The following SFMBT2 variants were observed in gnomAD, a reference collection of about 807,000 sequenced individuals.
SFMBT2 encodes the protein scm-like with four MBT domains protein 2.
SFMBT2 carries 38 observed loss-of-function variants against 110.1 expected under a neutral mutation model. The observed-to-expected ratio is 0.35, with a 90% CI of 0.27 to 0.45. The LOEUF (loss-of-function observed/expected upper bound fraction) is 0.45, where lower values mean the gene tolerates loss of function less well. Among genes scored for constraint, SFMBT2 ranks in the 20% least tolerant of loss-of-function variants. The pLI is 1.00. For missense variants in SFMBT2, 1,011 were observed against 1,094.9 expected, an observed-to-expected ratio of 0.92 and a Z score of 1.08; for synonymous variants, 425 against 425.4, an observed-to-expected ratio of 1.00 and a Z score of 0.01.
At chr10:7,228,713 TTCTTTCTTTCTTTCTTTCTTTCCTTTCTC>T (rs1564395141) in intron 9 of SFMBT2, among the ~76,000 whole-genome samples, 10 of 132,138 alleles carry the variant, frequency 7.6e-5, no homozygotes, top group African/African-American at 1.5e-4. Context: ...CTTTCTTTCT[TTCTTTCTTTCTTTCTTTCTTTCCTTTCTC>T]TCTCTCTCTC....
chr10:7,403,546 G>C lies in SFMBT2; in HGVS notation c.-52+7315C>G, dbSNP rs564888641. Among the ~76,000 whole-genome samples, 14 of 152,280 alleles carry C rather than the reference G, an allele frequency of 9.2e-5. No individual in the cohort carries two copies. The East Asian group carries it at 2.7e-3, about 29-fold the overall frequency. Reference sequence around the variant, plus strand: ...AGTTCCAGCTACTTGGGAGGCTGAGGGGGGAGAATTGCTTGAACCCAGGAG... The same window carrying C: ...AGTTCCAGCTACTTGGGAGGCTGAGCGGGGAGAATTGCTTGAACCCAGGAG... On this transcript the variant is annotated intron_variant, in intron 1 of 20. Transcript: ENST00000397167.
intron 7 of SFMBT2, among the ~76,000 whole-genome samples, chr10:7,271,761 A>G (rs1338951126): frequency 1.3e-5 from 2 of 152,314 alleles, no homozygotes; most frequent in South Asian, 2.1e-4. Context: ...AGGTCTCACA[A>G]TCATAGTGGA....
At chr10:7,309,196 C>T (rs1345635647) in intron 4 of SFMBT2, among the ~76,000 whole-genome samples, 1 of 152,204 alleles carries the variant, frequency 6.6e-6, no homozygotes. Context: ...GAACAAAGGG[C>T]TAACCTTATT....
chr10:7,376,474 C>T (rs957178378), intron 2 of SFMBT2, among the ~76,000 whole-genome samples: 8 of 151,716 alleles, frequency 5.3e-5, no homozygotes, highest in Middle Eastern at 3.2e-3. Context: ...CTGAGGTGGG[C>T]GGATCACGAG....
chr10:7,399,932 G>A (rs1482856472), intron 1 of SFMBT2, among the ~76,000 whole-genome samples: 5 of 152,172 alleles, frequency 3.3e-5, no homozygotes, highest in Admixed American at 6.5e-5. Flanking sequence ...TGAAAGAAGG[G>A]AATAGTCACC....
chr10:7,347,269 T>C (rs1844147646), intron 4 of SFMBT2, among the ~76,000 whole-genome samples: 1 of 152,222 alleles, frequency 6.6e-6, no homozygotes, highest in African/African-American at 2.4e-5. Flanking sequence ...TTTCCCTCTT[T>C]CTTGCTGGGC....
chr10:7,362,264 T>C (rs1844746006), intron 4 of SFMBT2, among the ~76,000 whole-genome samples: 1 of 152,150 alleles, frequency 6.6e-6, no homozygotes. Context: ...TCTAAATGCG[T>C]CTTTATTAAT....
chr10:7,259,090 C>G (rs369728754), intron 7 of SFMBT2, among the ~76,000 whole-genome samples: 12 of 152,154 alleles, frequency 7.9e-5, no homozygotes, highest in African/African-American at 2.9e-4. Context: ...TGAGGGGGCC[C>G]CTAAATGCAT....
At chr10:7,374,302 C>T (rs938991098) in intron 2 of SFMBT2, among the ~76,000 whole-genome samples, 2 of 151,984 alleles carry the variant, frequency 1.3e-5, no homozygotes, top group Admixed American at 6.6e-5. Context: ...CACATTGAGG[C>T]GGAACCTCAG....
intron 6 of SFMBT2, among the ~76,000 whole-genome samples, chr10:7,279,389 G>C (rs1419006853): frequency 6.6e-6 from 1 of 152,158 alleles, no homozygotes; most frequent in Admixed American, 6.5e-5. Flanking sequence ...CTTTCCAATG[G>C]TGTTAAATCC....
At chr10:7,302,550 C>A (rs17334706) in intron 4 of SFMBT2, among the ~76,000 whole-genome samples, 1 of 152,168 alleles carries the variant, frequency 6.6e-6, no homozygotes, top group Non-Finnish European at 1.5e-5. Context: ...CATGACTATT[C>A]TGTAAGCAGA....
At chr10:7,273,766 T>C (rs548495827) in intron 7 of SFMBT2, among the ~76,000 whole-genome samples, 1 of 152,344 alleles carries the variant, frequency 6.6e-6, no homozygotes, top group East Asian at 1.9e-4. Context: ...GGTTTCCAGC[T>C]TCATCCATGT....
chr10:7,193,912 C>T (rs1838687646), intron 15 of SFMBT2, among the ~76,000 whole-genome samples: 1 of 152,116 alleles, frequency 6.6e-6, no homozygotes, highest in South Asian at 2.1e-4. Flanking sequence ...CTTTTGGGGA[C>T]CCTGGTACTC....
chr10:7,296,596 A>G (rs974863490), intron 4 of SFMBT2, among the ~76,000 whole-genome samples: 50 of 152,246 alleles, frequency 3.3e-4, no homozygotes, highest in African/African-American at 1.2e-3. Context: ...GTTTACATTA[A>G]CATGCCCTTA....
At chr10:7,284,781 G>A (rs576214254) in intron 5 of SFMBT2, 1 of 182,614 alleles carries the variant, frequency 5.5e-6, no homozygotes, top group Non-Finnish European at 1.0e-5. Context: ...TATAATTACT[G>A]CCCCTTCTAA....
At position 7,234,011 on chromosome 10, in the gene SFMBT2, C is replaced by T. The variant is rs532855955; in HGVS notation, c.1121-6074G>A. On this transcript the variant is annotated intron_variant, in intron 9 of 20. Coordinates refer to ENST00000397167, the MANE Select transcript of SFMBT2 (RefSeq NM_001387889.1). ...TTACAGGCAGGACAGCAAACATCAG[C>T]GACTGACTAAAGCATTTGTTCTTGT... Among the ~76,000 whole-genome samples, 134 of 152,344 alleles carry T rather than the reference C, an allele frequency of 8.8e-4. 1 individual carries two copies. Among genetic ancestry groups the T allele is most frequent in the Middle Eastern group, 3.4e-3 (1 of 294 alleles).
chr10:7,174,962 G>GT (rs1204610366), intron 17 of SFMBT2, among the ~76,000 whole-genome samples: 2 of 152,068 alleles, frequency 1.3e-5, no homozygotes, highest in African/African-American at 4.8e-5. Context: ...TGTGTGTGTT[G>GT]TGTGTGTGTA....
intron 9 of SFMBT2, among the ~76,000 whole-genome samples, chr10:7,231,720 T>C (rs1343002301): frequency 1.0e-3 from 1 of 996 alleles, no homozygotes; most frequent in Non-Finnish European, 2.7e-3. Flanking sequence ...AGAACAATGT[T>C]GCTCATTTCC....
intron 4 of SFMBT2, among the ~76,000 whole-genome samples, chr10:7,306,131 T>C (rs1308797309): frequency 3.3e-5 from 5 of 152,044 alleles, no homozygotes; most frequent in African/African-American, 1.2e-4. Context: ...TTCATAGGGG[T>C]CAAAAAGAAG....
Sources: allele counts gnomAD v4.1 joint callset (sites outside exome capture counted in the v4.1 genomes callset), GRCh38; gene constraint gnomAD v4.1.1; transcripts MANE v1.5; gene names NCBI Gene and HGNC (gene_info 2026-07-23, HGNC 2026-07-21).